EPHA7: variants seen among roughly 807,000 people sequenced by gnomAD.
The protein encoded by EPHA7 is ephrin type-A receptor 7.
A neutral mutation model predicts 112.6 loss-of-function variants in EPHA7; 25 were observed. The observed-to-expected ratio is 0.22, with a 90% CI of 0.16 to 0.31. The LOEUF (loss-of-function observed/expected upper bound fraction) is 0.31. Ranked by LOEUF, EPHA7 falls within the 10% of genes least tolerant of loss-of-function variation. EPHA7 has a pLI of 1.00. For missense variants in EPHA7, 962 were observed against 1,212.6 expected (o/e 0.79, Z 3.07); for synonymous variants, 437 against 406.5 (o/e 1.07, Z -0.90).
At chr6:93,299,107 A>G (rs995552299) in intron 5 of EPHA7, among the ~76,000 whole-genome samples, 37 of 152,046 alleles carry the variant, frequency 2.4e-4, no homozygotes, top group African/African-American at 8.7e-4. Context: ...CGGGCGGATC[A>G]AGAGGTCAGG....
chr6:93,394,937 T>A (rs1468694628), intron 3 of EPHA7, among the ~76,000 whole-genome samples: 1 of 151,886 alleles, frequency 6.6e-6, no homozygotes, highest in African/African-American at 2.4e-5. Context: ...CTAATATTAA[T>A]ATTTTACTTA....
chr6:93,261,394 A>G (rs2127863247), intron 9 of EPHA7, among the ~76,000 whole-genome samples: 1 of 151,690 alleles, frequency 6.6e-6, no homozygotes, highest in African/African-American at 2.4e-5. Context: ...AGAGGAATAA[A>G]AAGACAGCAA....
In EPHA7 at chr6:93,291,769, A is replaced by AAAAAAAAAAC. The variant is rs1772391992; in HGVS notation, c.1325-19348_1325-19347insGTTTTTTTTT. On this transcript the variant is annotated intron_variant, in intron 5 of 16. Coordinates refer to ENST00000369303, the MANE Select transcript of EPHA7 (RefSeq NM_004440.4). Reference sequence around the variant, plus strand: ...GGCGACAGAGCGAGACTCCGTCTCAAAAAAAAAAAAAAAAAAAATACTTTT... The same window carrying AAAAAAAAAAC: ...GGCGACAGAGCGAGACTCCGTCTCAAAAAAAAAAACAAAAAAAAAAAAAAAAAATACTTTT... Among the ~76,000 whole-genome samples, 2 of 116,206 alleles carry AAAAAAAAAAC rather than the reference A, an allele frequency of 1.7e-5. 1 individual carries two copies. The highest frequency in any genetic ancestry group is 5.8e-5 in the African/African-American group (2 of 34,292). The allele number at this position is 116,206 out of a possible 152,430, so 76.2% of individuals were successfully genotyped here. A position where few individuals can be genotyped will look rare whatever the true frequency, so the allele number is the denominator to read the frequency against.
chr6:93,362,804 C>T lies in EPHA7; in HGVS notation c.833-4393G>A, dbSNP rs567517524. On this transcript the variant is annotated intron_variant, in intron 3 of 16. Transcript: ENST00000369303. ...AGTAGAAATGGAATGTATCTTCTTC[C>T]TGAATGAGGGCACAGATACCCATAC... is the stretch of plus-strand genomic sequence containing the variant. Among the ~76,000 whole-genome samples the T allele has an allele frequency of 4.7e-3, 485 of 103,616 alleles. 8 individuals carry two copies. The highest frequency in any genetic ancestry group is 0.017 in the African/African-American group (466 of 27,750). The allele number at this position is 103,616 out of a possible 152,430, so 68.0% of individuals were successfully genotyped here.
At chr6:93,310,216 T>A (rs535640632) in intron 5 of EPHA7, among the ~76,000 whole-genome samples, 1 of 152,208 alleles carries the variant, frequency 6.6e-6, no homozygotes, top group African/African-American at 2.4e-5. Context: ...ATGACTTCAA[T>A]GGAGAAAGTT....
At chr6:93,313,102 C>A (rs991499713) in intron 5 of EPHA7, among the ~76,000 whole-genome samples, 2 of 152,000 alleles carry the variant, frequency 1.3e-5, no homozygotes, top group Middle Eastern at 3.4e-3. Context: ...AGAGACACAA[C>A]GTAAGCACAT....
intron 12 of EPHA7, among the ~76,000 whole-genome samples, chr6:93,257,132 T>C (rs1770476535): frequency 6.6e-6 from 1 of 152,120 alleles, no homozygotes; most frequent in Admixed American, 6.6e-5. Context: ...CACCTTTTAG[T>C]CTTTTCCATA....
At chr6:93,360,738 G>T (rs962726178) in intron 3 of EPHA7, among the ~76,000 whole-genome samples, 2 of 151,982 alleles carry the variant, frequency 1.3e-5, no homozygotes, top group Admixed American at 1.3e-4. Context: ...TTCAAATTAC[G>T]TTGAATTTTG....
chr6:93,360,035 A>G (rs1291902056), intron 3 of EPHA7, among the ~76,000 whole-genome samples: 1 of 152,142 alleles, frequency 6.6e-6, no homozygotes, highest in African/African-American at 2.4e-5. Flanking sequence ...CTCAATTAAT[A>G]CAAGAGGAAA....
chr6:93,415,170 T>G (rs992174542), intron 1 of EPHA7, among the ~76,000 whole-genome samples: 3 of 151,970 alleles, frequency 2.0e-5, no homozygotes, highest in East Asian at 1.9e-4. Context: ...CTTGATCCAG[T>G]CATTAATTTG....
intron 1 of EPHA7, among the ~76,000 whole-genome samples, chr6:93,417,356 C>T (rs879453654): frequency 4.6e-5 from 7 of 152,270 alleles, no homozygotes; most frequent in Non-Finnish European, 1.0e-4. Context: ...CGCCGCTGCG[C>T]CCTAGAGGCG....
chr6:93,419,063 A>G (rs888280673), intron 1 of EPHA7, among the ~76,000 whole-genome samples, 182 bp downstream of exon 1: 2 of 152,132 alleles, frequency 1.3e-5, no homozygotes, highest in African/African-American at 4.8e-5. Context: ...GGCTCGGAAC[A>G]GCCCTGGTTC....
chr6:93,248,619 C>T (rs1770065074), intron 14 of EPHA7, among the ~76,000 whole-genome samples: 2 of 152,070 alleles, frequency 1.3e-5, no homozygotes, highest in African/African-American at 2.4e-5. Flanking sequence ...CAGTCCCAGT[C>T]AGAAAGCTGA....
chr6:93,398,019 C>A (rs935817341), intron 3 of EPHA7, among the ~76,000 whole-genome samples: 1 of 151,886 alleles, frequency 6.6e-6, no homozygotes. Context: ...TTTGTCTCTG[C>A]AACAGAGTAT....
intron 11 of EPHA7, 27 bp from the exon 12 acceptor site, chr6:93,257,550 G>GTTACGACTCCTGA: frequency 6.5e-7 from 1 of 1,528,276 alleles, no homozygotes; most frequent in Non-Finnish European, 9.0e-7. Context: ...AAAGTTTCAG[G>GTTACGACTCCTGA]AGTCGTAACC....
intron 6 of EPHA7, among the ~76,000 whole-genome samples, chr6:93,272,065 G>A (rs1026368972): frequency 4.6e-5 from 7 of 151,734 alleles, no homozygotes; most frequent in Non-Finnish European, 7.4e-5. Context: ...AAATATATAT[G>A]CTACAAATGG....
At chr6:93,334,467 G>A (rs555121276) in intron 5 of EPHA7, among the ~76,000 whole-genome samples, 1 of 151,956 alleles carries the variant, frequency 6.6e-6, no homozygotes, top group Non-Finnish European at 1.5e-5. Flanking sequence ...TACAGAATGG[G>A]AGTAAATATT....
chr6:93,418,557 C>T (rs981041841), intron 1 of EPHA7, among the ~76,000 whole-genome samples: 1 of 152,240 alleles, frequency 6.6e-6, no homozygotes, highest in African/African-American at 2.4e-5. Flanking sequence ...GCCCCCATGA[C>T]CGCTGGGCCC....
chr6:93,311,655 A>T (rs571808471), intron 5 of EPHA7, among the ~76,000 whole-genome samples: 1 of 152,254 alleles, frequency 6.6e-6, no homozygotes, highest in African/African-American at 2.4e-5. Flanking sequence ...TGATGTTGAA[A>T]ATTTGACCTC....
Sources: allele counts gnomAD v4.1 joint callset (sites outside exome capture counted in the v4.1 genomes callset), GRCh38; gene constraint gnomAD v4.1.1; transcripts MANE v1.5; gene names NCBI Gene and HGNC (gene_info 2026-07-23, HGNC 2026-07-21).